The following SYT1 variants were observed in gnomAD, a reference collection of about 807,000 sequenced individuals.
The protein encoded by SYT1 is synaptotagmin-1.
Under a neutral mutation model 44.8 loss-of-function variants are expected in SYT1, and 8 were observed. The ratio of observed to expected loss-of-function variants is 0.18; its 90% CI spans 0.10 to 0.32. SYT1 has a LOEUF of 0.32. Among genes scored for constraint, SYT1 ranks in the 10% least tolerant of loss-of-function variants. The pLI is 1.00. For missense variants in SYT1, 286 were observed against 509.3 expected (o/e 0.56, Z 4.22); for synonymous variants, 154 against 188.8 (o/e 0.82, Z 1.51).
At chr12:79,409,334 ACACT>A (rs1212514130) in intron 9 of SYT1, among the ~76,000 whole-genome samples, 1 of 152,166 alleles carries the variant, frequency 6.6e-6, no homozygotes, top group Non-Finnish European at 1.5e-5. Context: ...TAACTGCCAC[ACACT>A]CACAGACTTT....
chr12:78,918,203 A>T (rs1028762358), intron 1 of SYT1, among the ~76,000 whole-genome samples: 2 of 152,064 alleles, frequency 1.3e-5, no homozygotes, highest in African/African-American at 2.4e-5. Context: ...TTTTCTATTA[A>T]GATTTGGAGC....
chr12:79,104,381 G>GAT (rs945844146), intron 3 of SYT1, among the ~76,000 whole-genome samples: 8 of 151,594 alleles, frequency 5.3e-5, no homozygotes, highest in South Asian at 2.1e-4. Flanking sequence ...CACAGTACAT[G>GAT]ATATATATAT....
At chr12:79,275,811 G>T (rs1231717982) in intron 4 of SYT1, among the ~76,000 whole-genome samples, 6 of 152,144 alleles carry the variant, frequency 3.9e-5, no homozygotes, top group African/African-American at 1.4e-4. Flanking sequence ...CTGAGGGTGT[G>T]GGGAGGGAAG....
At chr12:79,182,450 T>TG (rs1472171843) in intron 3 of SYT1, among the ~76,000 whole-genome samples, 2 of 152,054 alleles carry the variant, frequency 1.3e-5, no homozygotes, top group African/African-American at 2.4e-5. Context: ...ATTGACCAGA[T>TG]GAACAACAAG....
At chr12:79,354,465 A>G (rs1008764219) in intron 9 of SYT1, among the ~76,000 whole-genome samples, 1 of 152,162 alleles carries the variant, frequency 6.6e-6, no homozygotes, top group Admixed American at 6.5e-5. Flanking sequence ...AAATATTGCA[A>G]ACTTCAAAAG....
chr12:78,927,291 C>T (rs1056782082), intron 1 of SYT1, among the ~76,000 whole-genome samples: 1 of 152,106 alleles, frequency 6.6e-6, no homozygotes, highest in Non-Finnish European at 1.5e-5. Flanking sequence ...AACATCATCA[C>T]CAGGATGTGC....
intron 9 of SYT1, among the ~76,000 whole-genome samples, chr12:79,414,408 A>G (rs1868611976): frequency 6.6e-6 from 1 of 152,030 alleles, no homozygotes; most frequent in Non-Finnish European, 1.5e-5. Flanking sequence ...AGATCCTTGT[A>G]TGTTGTACTA....
At chr12:79,349,640 G>A (rs1882801935) in intron 8 of SYT1, among the ~76,000 whole-genome samples, 1 of 152,136 alleles carries the variant, frequency 6.6e-6, no homozygotes, top group Non-Finnish European at 1.5e-5. Context: ...TTGTCAAGGA[G>A]CAGCAAGGAT....
At chr12:79,307,789 C>G (rs1873226223) in intron 8 of SYT1, among the ~76,000 whole-genome samples, 1 of 152,228 alleles carries the variant, frequency 6.6e-6, no homozygotes, top group Non-Finnish European at 1.5e-5. Flanking sequence ...CTTGCATGAT[C>G]TCTCTAAAGC....
chr12:79,007,889 C>G (rs372420524), intron 2 of SYT1, among the ~76,000 whole-genome samples: 3 of 152,088 alleles, frequency 2.0e-5, no homozygotes, highest in African/African-American at 7.2e-5. Context: ...TGGCCCCCTT[C>G]AGTCATTCGG....
chr12:79,201,118 C>T (rs138221833), intron 3 of SYT1, among the ~76,000 whole-genome samples: 8 of 152,012 alleles, frequency 5.3e-5, no homozygotes, highest in Admixed American at 6.6e-5. Flanking sequence ...CTTATAGTAA[C>T]GTTCCTAGGA....
chr12:79,233,171 A>G (rs936121708), intron 4 of SYT1, among the ~76,000 whole-genome samples: 10 of 152,156 alleles, frequency 6.6e-5, no homozygotes, highest in African/African-American at 2.4e-4. Flanking sequence ...TCCTCCAGCT[A>G]AACAGTGTCC....
At chr12:79,294,252 A>G (rs1233720656) in intron 6 of SYT1, among the ~76,000 whole-genome samples, 1 of 152,102 alleles carries the variant, frequency 6.6e-6, no homozygotes, top group Non-Finnish European at 1.5e-5. Flanking sequence ...ATATAGTGAG[A>G]GTACATTTAC....
At chr12:79,152,899 G>A (rs1252591249) in intron 3 of SYT1, among the ~76,000 whole-genome samples, 5 of 148,862 alleles carry the variant, frequency 3.4e-5, no homozygotes, top group South Asian at 2.1e-4. Flanking sequence ...AAAAGTAAGA[G>A]AAATTAAGAC....
chr12:79,362,218 A>G (rs1290959938), intron 9 of SYT1, among the ~76,000 whole-genome samples: 1 of 152,194 alleles, frequency 6.6e-6, no homozygotes, highest in Non-Finnish European at 1.5e-5. Flanking sequence ...TGCAAAGCTC[A>G]GTGGTAAATT....
chr12:79,424,483 G>A (rs909007360), intron 9 of SYT1, among the ~76,000 whole-genome samples: 11 of 152,142 alleles, frequency 7.2e-5, no homozygotes, highest in African/African-American at 2.7e-4. Flanking sequence ...ACAAACAACA[G>A]GCATAAGCAT....
At chr12:79,295,139 C>T (rs1879818918) in intron 6 of SYT1, among the ~76,000 whole-genome samples, 2 of 152,098 alleles carry the variant, frequency 1.3e-5, no homozygotes, top group Non-Finnish European at 2.9e-5. Context: ...TACAAAATAG[C>T]ATATACCTTG....
At chr12:79,127,683 A>C (rs1006211687) in intron 3 of SYT1, among the ~76,000 whole-genome samples, 13 of 152,212 alleles carry the variant, frequency 8.5e-5, no homozygotes, top group African/African-American at 2.9e-4. Flanking sequence ...TGTGCTGCCA[A>C]CATCCTGCAT....
chr12:78,868,206 A>G (rs987728460), intron 1 of SYT1, among the ~76,000 whole-genome samples: 4 of 151,902 alleles, frequency 2.6e-5, no homozygotes, highest in Admixed American at 6.6e-5. Context: ...AATGGTAATA[A>G]TTAAGTAATT....
Sources: allele counts gnomAD v4.1 joint callset (sites outside exome capture counted in the v4.1 genomes callset), GRCh38; gene constraint gnomAD v4.1.1; transcripts MANE v1.5; gene names NCBI Gene and HGNC (gene_info 2026-07-23, HGNC 2026-07-21).